SFMBT1: variants seen among roughly 807,000 people sequenced by gnomAD.
SFMBT1 encodes Scm like with four mbt domains 1.
Under a neutral mutation model 108.7 loss-of-function variants are expected in SFMBT1, and 32 were observed. That is an observed-to-expected ratio of 0.29 (90% CI 0.22 to 0.40). The LOEUF (loss-of-function observed/expected upper bound fraction) is 0.40, where lower values mean the gene tolerates loss of function less well. Among genes scored for constraint, SFMBT1 ranks in the 10% least tolerant of loss-of-function variants. SFMBT1 has a pLI of 1.00. For synonymous variants in SFMBT1, 348 were observed against 369.5 expected (o/e 0.94, Z 0.67); for missense variants, 816 against 1,059.6 (o/e 0.77, Z 3.19).
chr3:52,912,421 G>A (rs1233268429), intron 16 of SFMBT1, 117 bp downstream of exon 16: 10 of 706,388 alleles, frequency 1.4e-5, no homozygotes, highest in South Asian at 8.1e-5. Flanking sequence ...CTTGTGATCC[G>A]CCCGCCTCGG....
chr3:53,008,618 T>G (rs1297060930), intron 1 of SFMBT1, among the ~76,000 whole-genome samples: 1 of 150,730 alleles, frequency 6.6e-6, no homozygotes, highest in Non-Finnish European at 1.5e-5. Flanking sequence ...ACAAATTTCA[T>G]GACCCTAGGT....
rs1375994964 is a variant in SFMBT1, at chr3:52,905,281, T to G, written c.2461-5A>C. On this transcript the variant is annotated splice_region_variant and splice_polypyrimidine_tract_variant and intron_variant, in intron 20 of 20. Transcript: ENST00000394752. The stretch of plus-strand genomic sequence containing the variant: ...CAGGGCCTGCCCATCAATTTCCTGT[T>G]AAAGCATAAAAGACAAATTATCTGT... The G allele has an allele frequency of 6.2e-7, 1 of 1,610,636 alleles. No individual in the cohort carries two copies. The highest frequency in any genetic ancestry group is 2.2e-5 in the East Asian group (1 of 44,660).
intron 4 of SFMBT1, among the ~76,000 whole-genome samples, chr3:52,936,341 T>C (rs1703008870): frequency 6.6e-6 from 1 of 152,238 alleles, no homozygotes; most frequent in Non-Finnish European, 1.5e-5. Context: ...GTCTTTACTC[T>C]TTCTCTATAT....
intron 1 of SFMBT1, among the ~76,000 whole-genome samples, chr3:52,999,996 C>T (rs1698485429): frequency 6.7e-6 from 1 of 150,156 alleles, no homozygotes; most frequent in South Asian, 2.1e-4. Context: ...GTAGTTGGGA[C>T]TACAGGCATG....
chr3:52,967,543 T>C (rs1011860119), intron 2 of SFMBT1, among the ~76,000 whole-genome samples: 5 of 152,196 alleles, frequency 3.3e-5, no homozygotes, highest in African/African-American at 1.2e-4. Context: ...AAAGGGTTGA[T>C]TTTATGGTAT....
intron 1 of SFMBT1, among the ~76,000 whole-genome samples, chr3:52,995,377 G>A (rs1270556545): frequency 1.3e-5 from 2 of 150,120 alleles, no homozygotes; most frequent in South Asian, 2.1e-4. Flanking sequence ...TTCTGAGCTT[G>A]GACTGGCAAA....
At chr3:52,989,791 TC>T (rs1264665453) in intron 1 of SFMBT1, among the ~76,000 whole-genome samples, 69 of 81,118 alleles carry the variant, frequency 8.5e-4, no homozygotes, top group Middle Eastern at 0.016. Flanking sequence ...AGACTCCATC[TC>T]AAAAAAAAAA....
At chr3:53,032,584 A>T (rs1158713393) in intron 1 of SFMBT1, among the ~76,000 whole-genome samples, 1 of 152,168 alleles carries the variant, frequency 6.6e-6, no homozygotes, top group Non-Finnish European at 1.5e-5. Context: ...AAACATAATC[A>T]TTTCTTGTTT....
chr3:52,955,937 A>T (rs1703765077), intron 2 of SFMBT1, among the ~76,000 whole-genome samples: 1 of 152,212 alleles, frequency 6.6e-6, no homozygotes, highest in Admixed American at 6.5e-5. Context: ...CCTGATGAAC[A>T]TCAATGCAAA....
chr3:52,940,163 G>C (rs1703137738), intron 4 of SFMBT1, among the ~76,000 whole-genome samples: 1 of 152,144 alleles, frequency 6.6e-6, no homozygotes, highest in Non-Finnish European at 1.5e-5. Flanking sequence ...AGGCCAGGTG[G>C]CTTCATGTCT....
chr3:52,926,231 T>A (rs1702653504), intron 9 of SFMBT1, 118 bp from the exon 10 acceptor site: 2 of 799,128 alleles, frequency 2.5e-6, no homozygotes. Flanking sequence ...ACAACTTTGA[T>A]CATTTTAGAG....
chr3:52,991,168 A>G (rs955970397), intron 1 of SFMBT1, among the ~76,000 whole-genome samples: 2 of 152,124 alleles, frequency 1.3e-5, no homozygotes, highest in South Asian at 2.1e-4. Context: ...AACTTTAATA[A>G]GTAACACCCA....
chr3:52,966,046 G>A (rs1311413375), intron 2 of SFMBT1, among the ~76,000 whole-genome samples: 9 of 148,280 alleles, frequency 6.1e-5, no homozygotes, highest in African/African-American at 1.0e-4. Context: ...AAGCCGGCGC[G>A]GTGGCTCACG....
At chr3:52,987,920 G>A (rs1032131883) in intron 1 of SFMBT1, among the ~76,000 whole-genome samples, 1 of 152,096 alleles carries the variant, frequency 6.6e-6, no homozygotes, top group Middle Eastern at 3.2e-3. Context: ...TTAATGGAAT[G>A]GAATAACACT....
chr3:52,915,170 C>G (rs1181391143), intron 14 of SFMBT1, among the ~76,000 whole-genome samples: 1 of 152,182 alleles, frequency 6.6e-6, no homozygotes, highest in Non-Finnish European at 1.5e-5. Flanking sequence ...TTCTAAGGAG[C>G]TGTTCCCAAA....
chr3:52,959,682 T>C (rs1039621162), intron 2 of SFMBT1, among the ~76,000 whole-genome samples: 10 of 152,208 alleles, frequency 6.6e-5, no homozygotes, highest in Admixed American at 1.3e-4. Flanking sequence ...CTTTTCTTTA[T>C]GGCATTCATT....
chr3:52,916,356 CTTTTTTT>C (rs71087030), intron 13 of SFMBT1, 142 bp from the exon 14 acceptor site: 15 of 346,096 alleles, frequency 4.3e-5, no homozygotes, highest in East Asian at 1.1e-4. Flanking sequence ...CTTGATGATA[CTTTTTTT>C]TTTTTTTTTT....
chr3:52,944,048 C>T (rs1229979774), intron 3 of SFMBT1, among the ~76,000 whole-genome samples: 1 of 152,126 alleles, frequency 6.6e-6, no homozygotes, highest in Non-Finnish European at 1.5e-5. Context: ...CCCTAAAAGT[C>T]TATGTTTCCA....
At chr3:52,984,578 C>T (rs1380608231) in intron 1 of SFMBT1, among the ~76,000 whole-genome samples, 1 of 151,974 alleles carries the variant, frequency 6.6e-6, no homozygotes, top group African/African-American at 2.4e-5. Context: ...ACAGGCACTT[C>T]AATGACAAAT....
Sources: gnomAD v4.1 joint callset for allele counts (sites outside exome capture counted in the v4.1 genomes callset) on GRCh38, gnomAD v4.1.1 for gene constraint, MANE v1.5 for transcripts, NCBI Gene and HGNC (gene_info 2026-07-23, HGNC 2026-07-21) for gene names.